Variants in CLSTN2 observed in about 807,000 individuals in gnomAD.
CLSTN2 encodes calsyntenin-2.
CLSTN2 carries 48 observed loss-of-function variants against 101.2 expected under a neutral mutation model. The ratio of observed to expected loss-of-function variants is 0.47; its 90% CI spans 0.38 to 0.60. The LOEUF is 0.60. CLSTN2 is among the 20% of genes least tolerant of loss of function. The pLI, the probability that CLSTN2 is intolerant of heterozygous loss-of-function variation, is 0.00. For synonymous variants in CLSTN2, 481 were observed against 463.6 expected, an observed-to-expected ratio of 1.04 and a Z score of -0.48; for missense variants, 1,160 against 1,238.2, an observed-to-expected ratio of 0.94 and a Z score of 0.95.
chr3:139,999,833 T>C (rs1019865170), intron 1 of CLSTN2, among the ~76,000 whole-genome samples: 2 of 152,122 alleles, frequency 1.3e-5, no homozygotes, highest in African/African-American at 4.8e-5. Flanking sequence ...CATGTACCTC[T>C]AGTCCCAGCT....
At chr3:140,526,604 A>G (rs1439408230) in intron 8 of CLSTN2, among the ~76,000 whole-genome samples, 3 of 151,176 alleles carry the variant, frequency 2.0e-5, no homozygotes. Context: ...ACAAAAAAAA[A>G]AAACAACCAC....
chr3:140,331,840 C>A lies in CLSTN2; in HGVS notation c.233-71789C>A, dbSNP rs573863757. On this transcript the variant is annotated intron_variant, in intron 2 of 16. Coordinates refer to ENST00000458420, the MANE Select transcript of CLSTN2 (RefSeq NM_022131.3). ...AGGTGCTTGTTTGCCAGTGCTTGTT[C>A]ATTAAGTCTCCACTATTTTTAGTAA... 2.1e-4 allele frequency among the ~76,000 whole-genome samples: 32 copies of A among 152,338 alleles called. No homozygotes were observed. The East Asian group carries it at 5.6e-3, about 27-fold the overall frequency.
Position 140,305,163 on chromosome 3 carries a change from G to A in CLSTN2, c.233-98466G>A, listed in dbSNP as rs1012840116. ...CTAATCACTGTGTAGCCTCCACTCC[G>A]TGCTGAGGATCCTGTACGTGGATTC... On this transcript the variant is annotated intron_variant, in intron 2 of 16. Transcript: ENST00000458420. Among the ~76,000 whole-genome samples the A allele has an allele frequency of 4.4e-4, 67 of 151,654 alleles. 1 individual carries two copies. Among genetic ancestry groups the A allele is most frequent in the East Asian group, 1.9e-4 (1 of 5,182 alleles).
intron 10 of CLSTN2, 61 bp downstream of exon 10, chr3:140,546,742 A>G (rs1935595226): frequency 2.1e-6 from 3 of 1,450,890 alleles, no homozygotes; most frequent in Admixed American, 2.2e-5. Context: ...CAGCCTGCAC[A>G]GCGCCAGCAC....
chr3:140,097,473 A>G (rs2008888055), intron 1 of CLSTN2, among the ~76,000 whole-genome samples: 1 of 152,324 alleles, frequency 6.6e-6, no homozygotes, highest in South Asian at 2.1e-4. Flanking sequence ...CTTCAGCTCT[A>G]ACTATGTGCC....
chr3:140,496,839 A>T (rs1276875315), intron 8 of CLSTN2, among the ~76,000 whole-genome samples: 6 of 152,070 alleles, frequency 3.9e-5, no homozygotes, highest in Non-Finnish European at 8.8e-5. Context: ...GCGGTGGCTC[A>T]CACCTGTAAT....
At chr3:140,373,681 G>A (rs551805135) in intron 2 of CLSTN2, among the ~76,000 whole-genome samples, 1 of 152,310 alleles carries the variant, frequency 6.6e-6, no homozygotes, top group South Asian at 2.1e-4. Context: ...CTCTATTTTA[G>A]GGCAAAGGAA....
chr3:140,342,385 A>T (rs1002298455), intron 2 of CLSTN2, among the ~76,000 whole-genome samples: 12 of 152,094 alleles, frequency 7.9e-5, no homozygotes, highest in African/African-American at 2.9e-4. Flanking sequence ...TTCTAAAGGG[A>T]TGAGTATCTT....
intron 2 of CLSTN2, among the ~76,000 whole-genome samples, chr3:140,192,046 T>G (rs1028508641): frequency 6.6e-6 from 1 of 152,002 alleles, no homozygotes; most frequent in Non-Finnish European, 1.5e-5. Context: ...TTCAGTTATA[T>G]GTACTAGCTT....
Position 140,081,754 on chromosome 3 carries a change from C to T in CLSTN2, c.110-94197C>T, listed in dbSNP as rs376497852. On this transcript the variant is annotated intron_variant, in intron 1 of 16. Transcript: ENST00000458420. ...GTCCAGAGCAAGGGTTAGAGCCTTG[C>T]TCATTCCGATCAACTGGATTTAGCA... is the stretch of plus-strand genomic sequence containing the variant. Among the ~76,000 whole-genome samples, 83 of 152,292 alleles carry T rather than the reference C, an allele frequency of 5.5e-4. No individual in the cohort carries two copies. The South Asian group carries it at 0.017, about 31-fold the overall frequency.
intron 9 of CLSTN2, among the ~76,000 whole-genome samples, chr3:140,543,159 A>T (rs1256080032): frequency 1.3e-5 from 2 of 152,092 alleles, no homozygotes; most frequent in African/African-American, 4.8e-5. Flanking sequence ...TTGTTGTTGG[A>T]TTTGCTGCTC....
At chr3:139,996,953 A>C (rs919479555) in intron 1 of CLSTN2, among the ~76,000 whole-genome samples, 2 of 151,054 alleles carry the variant, frequency 1.3e-5, no homozygotes, top group African/African-American at 2.4e-5. Context: ...AGGCTGAGGC[A>C]GGAGAATTGC....
At chr3:140,203,491 T>TTG (rs2010744976) in intron 2 of CLSTN2, among the ~76,000 whole-genome samples, 1 of 117,464 alleles carries the variant, frequency 8.5e-6, no homozygotes, top group African/African-American at 3.4e-5. Flanking sequence ...TTTTTTTTTT[T>TTG]GGTTTTTAAG....
chr3:140,058,536 G>A (rs2008139513), intron 1 of CLSTN2, among the ~76,000 whole-genome samples: 1 of 152,144 alleles, frequency 6.6e-6, no homozygotes, highest in Admixed American at 6.5e-5. Flanking sequence ...CTAGGAAGGG[G>A]GTGATATCTT....
chr3:140,352,192 G>A (rs1269802546), intron 2 of CLSTN2, among the ~76,000 whole-genome samples: 3 of 152,200 alleles, frequency 2.0e-5, no homozygotes, highest in Non-Finnish European at 4.4e-5. Flanking sequence ...CTCAGTAAGT[G>A]ATATCTCTTA....
At chr3:139,971,968 A>G (rs187043684) in intron 1 of CLSTN2, among the ~76,000 whole-genome samples, 1 of 152,214 alleles carries the variant, frequency 6.6e-6, no homozygotes, top group African/African-American at 2.4e-5. Flanking sequence ...AGGCTCCTTA[A>G]AAGAACAAGT....
chr3:140,511,797 T>C (rs1934820965), intron 8 of CLSTN2, among the ~76,000 whole-genome samples: 1 of 151,482 alleles, frequency 6.6e-6, no homozygotes, highest in African/African-American at 2.4e-5. Flanking sequence ...GACCTCGTGA[T>C]CCGCCTGCCT....
At chr3:140,012,571 A>G (rs942013516) in intron 1 of CLSTN2, among the ~76,000 whole-genome samples, 1 of 152,116 alleles carries the variant, frequency 6.6e-6, no homozygotes, top group Non-Finnish European at 1.5e-5. Flanking sequence ...AGGAAGAGGG[A>G]TGACCAGCAA....
At chr3:139,947,106 G>A (rs111928491) in intron 1 of CLSTN2, among the ~76,000 whole-genome samples, 1,680 of 152,314 alleles carry the variant, frequency 0.011, 27 homozygotes, top group African/African-American at 0.038. Context: ...GTGCATCTCA[G>A]ATAACAGCCT....
Sources: gnomAD v4.1 joint callset for allele counts (sites outside exome capture counted in the v4.1 genomes callset) on GRCh38, gnomAD v4.1.1 for gene constraint, MANE v1.5 for transcripts, NCBI Gene and HGNC (gene_info 2026-07-23, HGNC 2026-07-21) for gene names.